Variants in ZNF407 observed in about 807,000 individuals in gnomAD.
The protein encoded by ZNF407 is zinc finger protein 407.
A neutral mutation model predicts 131.2 loss-of-function variants in ZNF407; 17 were observed. The observed-to-expected ratio is 0.13, with a 90% CI of 0.09 to 0.19. The LOEUF (loss-of-function observed/expected upper bound fraction) is 0.19, where lower values mean the gene tolerates loss of function less well. Ranked by LOEUF, ZNF407 falls within the 10% of genes least tolerant of loss-of-function variation. The pLI, the probability that ZNF407 is intolerant of heterozygous loss-of-function variation, is 1.00. For missense variants in ZNF407, 2,681 were observed against 2,830.6 expected (o/e 0.95, Z 1.20); for synonymous variants, 1,156 against 1,062.0 (o/e 1.09, Z -1.72).
intron 3 of ZNF407, among the ~76,000 whole-genome samples, chr18:74,664,992 CT>C (rs980019604): frequency 1.3e-5 from 2 of 152,210 alleles, no homozygotes; most frequent in African/African-American, 4.8e-5. Flanking sequence ...ATCCCAGCCA[CT>C]TTATTTCACC....
At chr18:74,944,095 T>A (rs1389629017) in intron 8 of ZNF407, among the ~76,000 whole-genome samples, 1 of 152,124 alleles carries the variant, frequency 6.6e-6, no homozygotes, top group Non-Finnish European at 1.5e-5. Context: ...CCTGTAGAAA[T>A]GTGTTTAGTG....
chr18:74,776,815 T>A (rs1388377005), intron 3 of ZNF407, among the ~76,000 whole-genome samples: 2 of 152,222 alleles, frequency 1.3e-5, no homozygotes, highest in East Asian at 3.8e-4. Context: ...TATGCTGTAT[T>A]CTTACAATAA....
intron 4 of ZNF407, among the ~76,000 whole-genome samples, chr18:74,825,126 A>G (rs1368536219): frequency 6.6e-6 from 1 of 152,198 alleles, no homozygotes; most frequent in African/African-American, 2.4e-5. Flanking sequence ...GATTATCTCA[A>G]TAGATGCAGA....
At chr18:74,944,493 G>A (rs1972133416) in intron 8 of ZNF407, among the ~76,000 whole-genome samples, 1 of 152,146 alleles carries the variant, frequency 6.6e-6, no homozygotes. Context: ...ACCTATGCCA[G>A]TATTCTAGAT....
At chr18:74,694,020 T>G (rs1188017343) in intron 3 of ZNF407, among the ~76,000 whole-genome samples, 1 of 152,230 alleles carries the variant, frequency 6.6e-6, no homozygotes, top group Non-Finnish European at 1.5e-5. Context: ...TTATTTCAGT[T>G]GACTAAAGTA....
chr18:75,052,321 C>T (rs566946210), intron 8 of ZNF407, among the ~76,000 whole-genome samples: 68 of 152,222 alleles, frequency 4.5e-4, no homozygotes, highest in African/African-American at 1.6e-3. Flanking sequence ...AGGAGTCGCG[C>T]GCTTATGCTA....
intron 4 of ZNF407, among the ~76,000 whole-genome samples, chr18:74,815,472 C>G (rs527563355): frequency 6.6e-6 from 1 of 152,270 alleles, no homozygotes; most frequent in South Asian, 2.1e-4. Context: ...ATATTTCTTC[C>G]CCTAATCTCC....
intron 3 of ZNF407, among the ~76,000 whole-genome samples, chr18:74,673,894 A>G (rs990478145): frequency 6.6e-5 from 10 of 152,200 alleles, no homozygotes; most frequent in Admixed American, 3.3e-4. Context: ...GGTTCTAAAT[A>G]TTTACATATA....
At chr18:74,813,019 T>G (rs564138697) in intron 4 of ZNF407, among the ~76,000 whole-genome samples, 2 of 152,304 alleles carry the variant, frequency 1.3e-5, no homozygotes, top group East Asian at 3.9e-4. Flanking sequence ...GTCATCATAG[T>G]TCTTTCAAGG....
rs762774590 is a variant in ZNF407 at position 74,829,479 on chromosome 18, A to G, written c.4878-47718A>G. On this transcript the variant is annotated intron_variant, in intron 4 of 8. Transcript: ENST00000299687. ...CTGGATCTCGATTTGACTTTCTTGA[A>G]AAGAAAGCTGGCAGAGACTTTCAAA... Among the ~76,000 whole-genome samples the G allele has an allele frequency of 1.6e-3, 240 of 152,306 alleles. 1 individual carries two copies. Among genetic ancestry groups the G allele is most frequent in the Non-Finnish European group, 2.6e-3 (176 of 68,014 alleles).
rs1969602119 is a variant in ZNF407 at position 74,781,519 on chromosome 18, T to A, written c.4877+17T>A. The A allele has an allele frequency of 6.7e-7, 1 of 1,486,248 alleles. No homozygotes were observed. Among genetic ancestry groups the A allele is most frequent in the African/African-American group, 1.4e-5 (1 of 69,380 alleles). The allele number at this position is 1,486,248 out of a possible 1,614,324, so 92.1% of individuals were successfully genotyped here. On this transcript the variant is annotated intron_variant, in intron 4 of 8. Coordinates refer to ENST00000299687, the MANE Select transcript of ZNF407 (RefSeq NM_017757.3). The stretch of plus-strand genomic sequence containing the variant: ...AAAAGAAAGGTAATTTTCATTCTTT[T>A]TTTTTCATTTAAAAATACAATTTGA...
At chr18:74,611,829 T>C (rs1188012906) in intron 1 of ZNF407, among the ~76,000 whole-genome samples, 1 of 152,178 alleles carries the variant, frequency 6.6e-6, no homozygotes, top group Non-Finnish European at 1.5e-5. Context: ...TCAGCAACTT[T>C]AAGGATGGGC....
At chr18:74,645,645 G>A (rs1179700727) in intron 3 of ZNF407, among the ~76,000 whole-genome samples, 1 of 150,504 alleles carries the variant, frequency 6.6e-6, no homozygotes, top group Non-Finnish European at 1.5e-5. Context: ...CTTTGTGTGT[G>A]TGTGTGTGTG....
chr18:74,672,732 A>G (rs1255898756), intron 3 of ZNF407, among the ~76,000 whole-genome samples: 1 of 152,150 alleles, frequency 6.6e-6, no homozygotes, highest in African/African-American at 2.4e-5. Flanking sequence ...GTTGTGAATA[A>G]TGCTGAATAG....
chr18:74,836,098 T>A (rs1970555889), intron 4 of ZNF407, among the ~76,000 whole-genome samples: 2 of 151,734 alleles, frequency 1.3e-5, no homozygotes, highest in Non-Finnish European at 2.9e-5. Flanking sequence ...TGTAAGGAGT[T>A]AAGAAGTTTT....
At chr18:74,864,574 T>A (rs1318880744) in intron 4 of ZNF407, among the ~76,000 whole-genome samples, 5 of 152,230 alleles carry the variant, frequency 3.3e-5, no homozygotes, top group African/African-American at 1.2e-4. Context: ...TGTAAAATTA[T>A]TGAGTTTTAT....
intron 4 of ZNF407, among the ~76,000 whole-genome samples, chr18:74,867,037 A>T (rs1971022536): frequency 1.3e-5 from 2 of 150,500 alleles, no homozygotes; most frequent in Non-Finnish European, 1.5e-5. Flanking sequence ...CCATAGTTTG[A>T]ATCTTGCATA....
At chr18:75,020,778 G>A (rs1373413606) in intron 8 of ZNF407, among the ~76,000 whole-genome samples, 6 of 152,170 alleles carry the variant, frequency 3.9e-5, no homozygotes, top group African/African-American at 1.4e-4. Context: ...TATGGACAGT[G>A]AATTAAAGTG....
chr18:75,030,836 C>T (rs1268973860), intron 8 of ZNF407, among the ~76,000 whole-genome samples: 1 of 152,190 alleles, frequency 6.6e-6, no homozygotes, highest in Non-Finnish European at 1.5e-5. Context: ...ATTTTACCAC[C>T]CTCTCCATTC....
Sources: gnomAD v4.1 joint callset for allele counts (sites outside exome capture counted in the v4.1 genomes callset) on GRCh38, gnomAD v4.1.1 for gene constraint, MANE v1.5 for transcripts, NCBI Gene and HGNC (gene_info 2026-07-23, HGNC 2026-07-21) for gene names.